FBXL7: variants seen among roughly 807,000 people sequenced by gnomAD.
FBXL7 encodes F-box and leucine rich repeat protein 7, also known as F-box/LRR-repeat protein 7.
A neutral mutation model predicts 38.3 loss-of-function variants in FBXL7; 12 were observed. The observed-to-expected ratio is 0.31, with a 90% CI of 0.20 to 0.51. The LOEUF (loss-of-function observed/expected upper bound fraction) is 0.51, where lower values mean the gene tolerates loss of function less well. FBXL7 is among the 20% of genes least tolerant of loss of function. The probability of loss-of-function intolerance (pLI) is 0.98; values close to 1 mark genes in which losing one functional copy is unlikely to be tolerated. For synonymous variants in FBXL7, 297 were observed against 300.9 expected (o/e 0.99, Z 0.13); for missense variants, 567 against 676.4 (o/e 0.84, Z 1.79).
intron 2 of FBXL7, among the ~76,000 whole-genome samples, chr5:15,774,992 G>A (rs1168123370): frequency 6.6e-6 from 1 of 152,180 alleles, no homozygotes; most frequent in Non-Finnish European, 1.5e-5. Flanking sequence ...GATACAGACT[G>A]TTGGAAAGGC....
At chr5:15,525,967 T>G (rs548772348) in intron 1 of FBXL7, among the ~76,000 whole-genome samples, 159 of 152,186 alleles carry the variant, frequency 1.0e-3, no homozygotes, top group Non-Finnish European at 1.9e-3. Flanking sequence ...CACAGAGATG[T>G]GGACCAGTTC....
At chr5:15,574,287 T>C (rs978447367) in intron 1 of FBXL7, among the ~76,000 whole-genome samples, 2 of 152,222 alleles carry the variant, frequency 1.3e-5, no homozygotes, top group African/African-American at 4.8e-5. Flanking sequence ...AAAGTGCAGA[T>C]AGATAAAATA....
At chr5:15,754,379 T>A (rs774465136) in intron 2 of FBXL7, among the ~76,000 whole-genome samples, 6 of 152,202 alleles carry the variant, frequency 3.9e-5, no homozygotes, top group Non-Finnish European at 5.9e-5. Flanking sequence ...TATCTCTGAG[T>A]GGTCAAACCC....
chr5:15,805,065 C>T (rs1257326683), intron 2 of FBXL7, among the ~76,000 whole-genome samples: 2 of 152,204 alleles, frequency 1.3e-5, no homozygotes, highest in Non-Finnish European at 2.9e-5. Context: ...CACCTGCTCT[C>T]TGTATGTGTC....
At chr5:15,773,383 CCTTTAATCCCAGCA>C (rs1344888666) in intron 2 of FBXL7, among the ~76,000 whole-genome samples, 1 of 152,108 alleles carries the variant, frequency 6.6e-6, no homozygotes, top group African/African-American at 2.4e-5. Context: ...GTGGCTCATG[CCTTTAATCCCAGCA>C]CTTTGGGAGG....
intron 1 of FBXL7, among the ~76,000 whole-genome samples, chr5:15,567,176 A>C (rs1738604421): frequency 6.6e-6 from 1 of 152,118 alleles, no homozygotes; most frequent in African/African-American, 2.4e-5. Context: ...GTTTTTAGAC[A>C]TATTTCATTC....
At chr5:15,808,924 T>C (rs1353241511) in intron 2 of FBXL7, among the ~76,000 whole-genome samples, 1 of 152,204 alleles carries the variant, frequency 6.6e-6, no homozygotes, top group African/African-American at 2.4e-5. Flanking sequence ...ATTTCGCCCA[T>C]CCTGAATTTC....
intron 2 of FBXL7, among the ~76,000 whole-genome samples, chr5:15,784,052 C>G (rs1433694927): frequency 6.6e-6 from 1 of 152,138 alleles, no homozygotes; most frequent in Non-Finnish European, 1.5e-5. Context: ...GTGACTGTTT[C>G]CCTGGCAGCC....
chr5:15,667,690 T>A (rs1216783241), intron 2 of FBXL7, among the ~76,000 whole-genome samples: 1 of 152,176 alleles, frequency 6.6e-6, no homozygotes, highest in East Asian at 1.9e-4. Flanking sequence ...CCAAGCCTAC[T>A]TCTCTTCTGT....
intron 2 of FBXL7, among the ~76,000 whole-genome samples, chr5:15,751,966 G>T (rs188020270): frequency 2.0e-5 from 3 of 152,298 alleles, no homozygotes; most frequent in Admixed American, 2.0e-4. Flanking sequence ...ACCACAGAAT[G>T]AAGTAATAGA....
intron 2 of FBXL7, among the ~76,000 whole-genome samples, chr5:15,810,597 T>C (rs1737834582): frequency 6.6e-6 from 1 of 151,830 alleles, no homozygotes; most frequent in South Asian, 2.1e-4. Context: ...GAAATACAGA[T>C]TTGAACCTAT....
In FBXL7 at chr5:15,915,718, A is replaced by G. The variant is rs146611972; in HGVS notation, c.128-12172A>G. 4.6e-3 allele frequency among the ~76,000 whole-genome samples: 708 copies of G among 152,294 alleles called. 6 individuals carry two copies. The highest frequency in any genetic ancestry group is 0.016 in the African/African-American group (652 of 41,562). On this transcript the variant is annotated intron_variant, in intron 2 of 3. Coordinates refer to ENST00000504595, the MANE Select transcript of FBXL7 (RefSeq NM_012304.5). ...CTAGTCAAGGTTTTGATGCCGGGAA[A>G]AATGGTCCATATTTTAGAAAGTAAA...
At chr5:15,723,298 A>G (rs1360312207) in intron 2 of FBXL7, among the ~76,000 whole-genome samples, 1 of 152,214 alleles carries the variant, frequency 6.6e-6, no homozygotes, top group African/African-American at 2.4e-5. Context: ...TTGTTCAATG[A>G]GATAATAACT....
In FBXL7 at chr5:15,928,224, G is replaced by A. The variant is rs556024171; in HGVS notation, c.462G>A (p.Trp154Ter). 1 of 1,610,838 alleles carries A rather than the reference G, an allele frequency of 6.2e-7. No homozygotes were observed. The highest frequency in any genetic ancestry group is 1.1e-5 in the South Asian group (1 of 90,528). The change falls in exon 3 of 4, where the codon TGG becomes TGA. Residue 154 changes from tryptophan (W) to a stop codon, truncating the protein, a stop_gained. Coordinates refer to ENST00000504595, the MANE Select transcript of FBXL7 (RefSeq NM_012304.5). LOFTEE classifies it high-confidence loss of function. This position sits in a 1 kb window ranked among gnomAD's most constrained non-coding sequence, Gnocchi z 4.0. ...ACCTGGCCTGGGACCCGCGGCTCTGGAGGACTATCCGCCTGACGGGCGAGA... is the reference window on the plus strand; with the variant it reads ...ACCTGGCCTGGGACCCGCGGCTCTGAAGGACTATCCGCCTGACGGGCGAGA... The part of the protein sequence containing the change: ...WYNLAWDPRL[W>*]RTIRLTGETI...
intron 1 of FBXL7, among the ~76,000 whole-genome samples, chr5:15,527,490 G>T (rs555941860): frequency 8.6e-5 from 13 of 152,042 alleles, no homozygotes; most frequent in Non-Finnish European, 1.9e-4. Flanking sequence ...TAAAACTAAC[G>T]TGTTTTTAAA....
At chr5:15,783,937 A>C (rs935940068) in intron 2 of FBXL7, among the ~76,000 whole-genome samples, 1 of 152,272 alleles carries the variant, frequency 6.6e-6, no homozygotes, top group South Asian at 2.1e-4. Flanking sequence ...GGCCAGGTAA[A>C]CATGGATGTG....
At chr5:15,527,337 A>G (rs1261192553) in intron 1 of FBXL7, among the ~76,000 whole-genome samples, 3 of 152,218 alleles carry the variant, frequency 2.0e-5, no homozygotes, top group African/African-American at 7.2e-5. Context: ...GAAGAAAATG[A>G]AGTATCTGTG....
chr5:15,676,215 C>A (rs976291733), intron 2 of FBXL7, among the ~76,000 whole-genome samples: 4 of 152,084 alleles, frequency 2.6e-5, no homozygotes, highest in Admixed American at 1.3e-4. Flanking sequence ...TCCGGGGGGC[C>A]CTTTTCAGCT....
intron 2 of FBXL7, among the ~76,000 whole-genome samples, chr5:15,926,496 T>C (rs1561191134): frequency 6.7e-6 from 1 of 150,128 alleles, no homozygotes; most frequent in Admixed American, 6.7e-5. Flanking sequence ...CATTGGATAT[T>C]ATATATATCA....
Sources: allele counts gnomAD v4.1 joint callset (sites outside exome capture counted in the v4.1 genomes callset), GRCh38; gene constraint gnomAD v4.1.1; non-coding constraint Gnocchi (gnomAD v3.1); transcripts MANE v1.5; gene names NCBI Gene and HGNC (gene_info 2026-07-23, HGNC 2026-07-21).